TST: variants seen among roughly 807,000 people sequenced by gnomAD.
TST encodes thiosulfate sulfurtransferase.
Under a neutral mutation model 20.4 loss-of-function variants are expected in TST, and 22 were observed. The ratio of observed to expected loss-of-function variants is 1.08; its 90% CI spans 0.77 to 1.54. The LOEUF is 1.54. Among genes scored for constraint, TST ranks in the 40% most tolerant of loss-of-function variants. The pLI, the probability that TST is intolerant of heterozygous loss-of-function variation, is 0.00. For synonymous variants in TST, 187 were observed against 173.8 expected (o/e 1.08, Z -0.60); for missense variants, 392 against 405.2 (o/e 0.97, Z 0.28).
At chr22:37,012,950 G>A (rs915301222) in intron 2 of TST, among the ~76,000 whole-genome samples, 5 of 152,094 alleles carry the variant, frequency 3.3e-5, no homozygotes, top group Non-Finnish European at 4.4e-5. Context: ...GCTGAGGGAG[G>A]AGAAACGCTT....
chr22:37,018,314 G>A lies in TST; in HGVS notation c.419C>T (p.Pro140Leu), dbSNP rs61743966. ...GFRNWLKEGH[P>L]VTSEPSRPEP... ...TGGGCGTGAGGGCTCGGATGTCACC[G>A]GGTGGCCCTCCTTCAGCCAGTTCCG... The change falls in exon 2 of 3, where the codon CCG (proline) becomes CTG (leucine). Residue 140 changes from proline (P) to leucine (L), a missense_variant. Coordinates refer to ENST00000249042, the MANE Select transcript of TST (RefSeq NM_003312.6). 9.3e-6 allele frequency: 15 copies of A among 1,613,980 alleles called. No homozygotes were observed. Among genetic ancestry groups the A allele is most frequent in the Non-Finnish European group, 1.3e-5 (15 of 1,180,022 alleles).
chr22:37,010,933 C>G lies in TST; in HGVS notation c.*94G>C. On this transcript the variant is annotated 3_prime_UTR_variant, in exon 3 of 3. Coordinates refer to ENST00000249042, the MANE Select transcript of TST (RefSeq NM_003312.6). ...GAGCCTTGCACAGCAATTCTAAAAA[C>G]ATGTCATCTCCTTCACCTAAGAGGT... 1 of 1,493,406 alleles carries G rather than the reference C, an allele frequency of 6.7e-7. No homozygotes were observed. Among genetic ancestry groups the G allele is most frequent in the Non-Finnish European group, 9.0e-7 (1 of 1,108,846 alleles). 92.5% of individuals were successfully genotyped at this position (1,493,406 alleles called of 1,614,324 possible).
At position 37,018,651 on chromosome 22, in the gene TST, C is replaced by A. The variant is rs1399419210; in HGVS notation, c.82G>T (p.Gly28Cys). The A allele has an allele frequency of 1.3e-6, 2 of 1,560,586 alleles. No individual in the cohort carries two copies. The highest frequency in any genetic ancestry group is 1.2e-5 in the South Asian group (1 of 85,110). Residue 28 changes from glycine to cysteine, a missense_variant, in exon 2 of 3, where the codon GGC becomes TGC. Coordinates refer to ENST00000249042, the MANE Select transcript of TST (RefSeq NM_003312.6). ...ESIRTGKLGP[G>C]LRVLDASWYS... ...CAGGACGCGTCCAGCACCCGCAGGC[C>A]GGGCCCCAGCTTGCCAGTCCTGATG...
chr22:37,015,986 C>G (rs1165504339), intron 2 of TST, among the ~76,000 whole-genome samples: 1 of 133,210 alleles, frequency 7.5e-6, no homozygotes, highest in Non-Finnish European at 1.6e-5. Flanking sequence ...TTCTGTTGCC[C>G]AGGCTGGAGT....
intron 2 of TST, among the ~76,000 whole-genome samples, chr22:37,014,153 G>A (rs1922584848): frequency 6.6e-6 from 1 of 152,184 alleles, no homozygotes; most frequent in African/African-American, 2.4e-5. Context: ...ACGAGGTCAG[G>A]AGATCGAGAC....
At chr22:37,013,099 T>A (rs1922541866) in intron 2 of TST, 1 of 152,052 alleles carries the variant, frequency 6.6e-6, no homozygotes, top group Non-Finnish European at 1.5e-5. Flanking sequence ...GAAGTCTAAC[T>A]ACTGCAGCTA....
At chr22:37,017,334 C>A (rs887311555) in intron 2 of TST, among the ~76,000 whole-genome samples, 5 of 152,178 alleles carry the variant, frequency 3.3e-5, no homozygotes, top group Admixed American at 1.3e-4. Context: ...TTCTGAGTCG[C>A]CTTCCTGGGG....
In TST at chr22:37,011,112, G is replaced by A. The variant is rs1326862556; in HGVS notation, c.809C>T (p.Ala270Val). The A allele has an allele frequency of 1.9e-6, 3 of 1,613,614 alleles. No homozygotes were observed. Among genetic ancestry groups the A allele is most frequent in the Admixed American group, 1.7e-5 (1 of 60,032 alleles). ...AAYLCGKPDV[A>V]VYDGSWSEWF... The stretch of plus-strand genomic sequence containing the variant: ...CTCGGACCAGGAGCCATCGTACACG[G>A]CCACATCAGGCTTGCCGCAGAGGTA... Residue 270 changes from alanine (A) to valine (V), a missense_variant, in exon 3 of 3, where the codon GCC (alanine) becomes GTC (valine). Ala to Val is a moderately conservative substitution (Grantham distance 64, BLOSUM62 0). Transcript: ENST00000249042.
chr22:37,011,331 C>T lies in TST; in HGVS notation c.596-6G>A. 1 of 1,608,398 alleles carries T rather than the reference C, an allele frequency of 6.2e-7. No individual in the cohort carries two copies. The highest frequency in any genetic ancestry group is 1.1e-5 in the South Asian group (1 of 90,748). On this transcript the variant is annotated splice_region_variant and splice_polypyrimidine_tract_variant and intron_variant, in intron 2 of 2. Coordinates refer to ENST00000249042, the MANE Select transcript of TST (RefSeq NM_003312.6). ...GATATGGCCCGAGTCCAGTCCTGGG[C>T]AGGGCAGAGGACACAGCTTAGGGGA...
At chr22:37,019,259 T>C (rs61679634) in intron 1 of TST, 141 bp downstream of exon 1, 5,079 of 156,448 alleles carry the variant, frequency 0.032, 280 homozygotes, top group African/African-American at 0.11. Flanking sequence ...GTCCGGCCCG[T>C]AGCTCGCTGC....
Position 37,018,609 on chromosome 22 carries a change from G to A in TST, c.124C>T (p.Arg42Ter), listed in dbSNP as rs1285906718. 3.2e-6 allele frequency: 5 copies of A among 1,568,042 alleles called. No individual in the cohort carries two copies. The highest frequency in any genetic ancestry group is 1.7e-4 in the Middle Eastern group (1 of 5,920). Residue 42 changes from arginine (R) to a stop codon, truncating the protein, a stop_gained, in exon 2 of 3, where the codon CGA becomes TGA. Transcript: ENST00000249042. LOFTEE classifies it high-confidence loss of function. Reference sequence around the variant, plus strand: ...TCGAGGTACTCCTTGCGGGCCTCTCGGGTGCCTGGTGAGTACCAGGACGCG... The same window carrying A: ...TCGAGGTACTCCTTGCGGGCCTCTCAGGTGCCTGGTGAGTACCAGGACGCG... ...LDASWYSPGT[R>*]EARKEYLERH...
intron 1 of TST, 83 bp from the exon 2 acceptor site, chr22:37,018,836 C>T (rs1423620348): frequency 2.1e-6 from 2 of 941,490 alleles, no homozygotes; most frequent in African/African-American, 3.3e-5. Flanking sequence ...CTGGGAGAAG[C>T]TCTTTCTCCC....
At chr22:37,011,415 A>G in intron 2 of TST, 90 bp from the exon 3 acceptor site, 1 of 1,367,024 alleles carries the variant, frequency 7.3e-7, no homozygotes, top group African/African-American at 1.5e-5. Context: ...AGCTGGAAGG[A>G]TAGATAGCTT....
intron 2 of TST, among the ~76,000 whole-genome samples, chr22:37,015,064 C>T (rs1922627001): frequency 1.3e-5 from 2 of 152,158 alleles, no homozygotes; most frequent in Admixed American, 6.5e-5. Flanking sequence ...GGCTTGCTTA[C>T]AGCTCACCCC....
At chr22:37,015,300 G>A (rs750882351) in intron 2 of TST, among the ~76,000 whole-genome samples, 1 of 152,146 alleles carries the variant, frequency 6.6e-6, no homozygotes, top group Non-Finnish European at 1.5e-5. Context: ...TTAGCGGGTC[G>A]ATACCCTCCT....
At chr22:37,015,085 G>A (rs1447150275) in intron 2 of TST, among the ~76,000 whole-genome samples, 1 of 152,148 alleles carries the variant, frequency 6.6e-6, no homozygotes, top group Non-Finnish European at 1.5e-5. Flanking sequence ...ACCCACAGCA[G>A]TAGCCTTGGG....
rs1424180223 is a variant in TST, at chr22:37,011,054, C to T, written c.867G>A (p.Val289=). The change falls in exon 3 of 3, where the codon GTG becomes GTA. Residue 289 remains valine, a synonymous_variant. Coordinates refer to ENST00000249042, the MANE Select transcript of TST (RefSeq NM_003312.6). ...AGGCCTTCTCAGACTTTCCCTGGGA[C>T]ACACGGCTCTCTGGGGGGGCCCGGC... ...WFRRAPPESR[V]SQGKSEKA 4 of 1,611,154 alleles carry T rather than the reference C, an allele frequency of 2.5e-6. No homozygotes were observed. The highest frequency in any genetic ancestry group is 1.3e-5 in the African/African-American group (1 of 74,876).
upstream of TST, chr22:37,020,026 T>G (rs1052497429): frequency 1.5e-4 from 49 of 323,892 alleles, no homozygotes; most frequent in Middle Eastern, 4.3e-4. Flanking sequence ...TAAGGGTGAC[T>G]GTCCGCTTGG....
intron 2 of TST, chr22:37,013,464 G>A (rs1157248673): frequency 6.6e-6 from 1 of 151,954 alleles, no homozygotes; most frequent in Admixed American, 6.6e-5. Flanking sequence ...AATGAGCCAG[G>A]CATGGTGGCA....
Sources: allele counts gnomAD v4.1 joint callset (sites outside exome capture counted in the v4.1 genomes callset), GRCh38; gene constraint gnomAD v4.1.1; transcripts MANE v1.5; gene names NCBI Gene and HGNC (gene_info 2026-07-23, HGNC 2026-07-21).